KPNA7: variants seen among roughly 807,000 people sequenced by gnomAD.
KPNA7 encodes the protein karyopherin subunit alpha 7.
KPNA7 carries 54 observed loss-of-function variants against 53.7 expected under a neutral mutation model. The observed-to-expected ratio is 1.01, with a 90% CI of 0.81 to 1.26. The LOEUF is 1.26. Ranked by LOEUF, KPNA7 falls within the 50% of genes most tolerant of loss-of-function variation. KPNA7 has a pLI of 0.00. For synonymous variants in KPNA7, 276 were observed against 259.3 expected (o/e 1.06, Z -0.62); for missense variants, 640 against 644.5 (o/e 0.99, Z 0.07).
In KPNA7 at chr7:99,177,921, T is replaced by G; in HGVS notation, c.1463A>C (p.Glu488Ala). ...CCTCCACGCTCCTAAGTCACTTACC[T>G]CACCAAAGTGCTTCTCGATGATGTT... ...ALNIIEKHFG[E>A]EEDESQTLLS... Residue 488 changes from glutamate (E) to alanine (A), a missense_variant and splice_region_variant, in exon 10 of 11, where the codon GAG (glutamate) becomes GCG (alanine). Transcript: ENST00000327442. 1 of 1,551,584 alleles carries G rather than the reference T, an allele frequency of 6.4e-7. No individual in the cohort carries two copies. The highest frequency in any genetic ancestry group is 2.4e-5 in the East Asian group (1 of 40,862).
At chr7:99,207,225 G>A (rs1198188608) in intron 2 of KPNA7, among the ~76,000 whole-genome samples, 176 bp downstream of exon 2, 2 of 152,080 alleles carry the variant, frequency 1.3e-5, no homozygotes, top group Admixed American at 6.6e-5. Flanking sequence ...AGTAGAGACG[G>A]GGTTACACCA....
At chr7:99,181,761 A>AG in intron 9 of KPNA7, 122 bp downstream of exon 9, 1 of 829,606 alleles carries the variant, frequency 1.2e-6, no homozygotes. Flanking sequence ...CAAATTCCTG[A>AG]CCTCAGGTGA....
At chr7:99,209,550 G>A (rs1311232042), upstream of KPNA7, among the ~76,000 whole-genome samples, 1 of 151,788 alleles carries the variant, frequency 6.6e-6, no homozygotes, top group East Asian at 1.9e-4. Context: ...AGGCGTAGTG[G>A]CAGGCACCTG....
the KPNA7 span, among the ~76,000 whole-genome samples, chr7:99,157,846 C>G: frequency 6.6e-6 from 1 of 152,170 alleles, no homozygotes; most frequent in Non-Finnish European, 1.5e-5. Flanking sequence ...GTGATCACAG[C>G]TCACTGCAGC....
rs116077769 is a variant in KPNA7 at position 99,184,404 on chromosome 7, C to T, written c.1134+525G>A. ...TCTCAAACGCCTGAACTCAATCTATCCACCTGACTGGGCCTCCCAAAACGT... is the reference window on the plus strand; with the variant it reads ...TCTCAAACGCCTGAACTCAATCTATTCACCTGACTGGGCCTCCCAAAACGT... On this transcript the variant is annotated intron_variant, in intron 8 of 10. Transcript: ENST00000327442. Among the ~76,000 whole-genome samples, 911 of 152,262 alleles carry T rather than the reference C, an allele frequency of 6.0e-3. 7 individuals are homozygous for T. The highest frequency in any genetic ancestry group is 0.021 in the African/African-American group (888 of 41,560).
chr7:99,217,879 C>T (rs1233053905), intron 1 of KPNA7, among the ~76,000 whole-genome samples: 3 of 152,148 alleles, frequency 2.0e-5, no homozygotes, highest in South Asian at 2.1e-4. Context: ...AACCCACGCA[C>T]CTCGGCCTCC....
intron 9 of KPNA7, among the ~76,000 whole-genome samples, chr7:99,179,274 A>T (rs1432767225): frequency 2.0e-5 from 3 of 152,070 alleles, no homozygotes; most frequent in African/African-American, 7.2e-5. Flanking sequence ...AACCTTAGCT[A>T]AGCTGGACAC....
At position 99,188,560 on chromosome 7, in the gene KPNA7, T is replaced by C. The variant is rs1205188763; in HGVS notation, c.640A>G (p.Thr214Ala). ...GTCCACGTGATGTTCCGCAGAAATG[T>C]GATCTGTAACAAGGAGACTGCCTCC... ...LALISPTLPI[T>A]FLRNITWTLS... The change falls in exon 7 of 11, where the codon ACA becomes GCA. Residue 214 changes from threonine to alanine, a missense_variant. By Grantham distance (58) the Thr-to-Ala change is moderately conservative. Transcript: ENST00000327442. The C allele has an allele frequency of 6.4e-7, 1 of 1,551,088 alleles. No homozygotes were observed. The highest frequency in any genetic ancestry group is 2.0e-5 in the Admixed American group (1 of 50,974).
Position 99,195,170 on chromosome 7 carries a change from G to A in KPNA7, c.453C>T (p.Ala151=), listed in dbSNP as rs542857838. ...IASGTSEQTR[A]VVEGGAIQPL... is the part of the protein sequence containing the mutation. ...GCTGGATGGCTCCCCCTTCTACCAC[G>A]GCACGAGTCTGCTCCGAAGTCCCTG... The change falls in exon 5 of 11, where the codon GCC becomes GCT. Residue 151 remains alanine (A), a synonymous_variant. Transcript: ENST00000327442. 1.0e-4 allele frequency: 162 copies of A among 1,551,530 alleles called. 1 individual carries two copies. Among genetic ancestry groups the A allele is most frequent in the South Asian group, 8.3e-4 (70 of 84,052 alleles).
At chr7:99,155,509 T>C in the KPNA7 span, among the ~76,000 whole-genome samples, 1 of 152,142 alleles carries the variant, frequency 6.6e-6, no homozygotes, top group Non-Finnish European at 1.5e-5. Context: ...TTTTTTTTTC[T>C]TGTTTCCTCA....
intron 1 of KPNA7, among the ~76,000 whole-genome samples, chr7:99,207,796 C>T (rs1790899079): frequency 1.3e-5 from 2 of 151,222 alleles, no homozygotes; most frequent in Non-Finnish European, 2.9e-5. Flanking sequence ...CCACCACGCC[C>T]GGCTAATTTT....
intron 3 of KPNA7, 22 bp from the exon 4 acceptor site, chr7:99,196,188 G>C: frequency 1.3e-6 from 2 of 1,529,878 alleles, no homozygotes; most frequent in East Asian, 2.5e-5. Context: ...GACACATTCA[G>C]GTCAGACTGT....
chr7:99,209,726 A>G (rs28489891), upstream of KPNA7, among the ~76,000 whole-genome samples: 206 of 146,250 alleles, frequency 1.4e-3, no homozygotes, highest in African/African-American at 4.3e-3. Context: ...AAATCTGATT[A>G]GTCAGGCACA....
intron 2 of KPNA7, among the ~76,000 whole-genome samples, chr7:99,204,365 C>T (rs74585155): frequency 0.013 from 1,984 of 149,936 alleles, 27 homozygotes; most frequent in Non-Finnish European, 0.019. Flanking sequence ...GAGCAAGACC[C>T]TGCCTCTACA....
Position 99,195,234 on chromosome 7 carries a change from A to T in KPNA7, c.389T>A (p.Leu130Ter). 6.4e-7 allele frequency: 1 copy of T among 1,551,618 alleles called. No individual in the cohort carries two copies. Among genetic ancestry groups the T allele is most frequent in the Non-Finnish European group, 8.7e-7 (1 of 1,146,990 alleles). Residue 130 changes from leucine to a stop codon, truncating the protein, a stop_gained, in exon 5 of 11, where the codon TTG becomes TAG. Transcript: ENST00000327442. LOFTEE classifies it high-confidence loss of function. ...CAGGGCCCAGGCAGCCTCAAACTGC[A>T]AGCAGGGGTAAAGTGATGACTTCAG... Reference protein sequence around the residue: ...EFLKSSLYPCLQFEAAWALTN... With the variant: ...EFLKSSLYPC
chr7:99,159,774 T>C, the KPNA7 span, among the ~76,000 whole-genome samples: 1 of 152,312 alleles, frequency 6.6e-6, no homozygotes, highest in East Asian at 1.9e-4. Flanking sequence ...TCCAATTGTC[T>C]CATAAATGTC....
At chr7:99,181,044 TCTCTCTCTCC>T (rs1799220113) in intron 9 of KPNA7, among the ~76,000 whole-genome samples, 1 of 123,096 alleles carries the variant, frequency 8.1e-6, no homozygotes, top group African/African-American at 4.0e-5. Flanking sequence ...TGTGTCTCTC[TCTCTCTCTCC>T]GTCTGTGTCT....
chr7:99,195,090 C>T lies in KPNA7; in HGVS notation c.533G>A (p.Trp178Ter), dbSNP rs934086635. The change falls in exon 5 of 11, where the codon TGG (tryptophan) becomes TAG (stop). Residue 178 changes from tryptophan to a stop codon, truncating the protein, a stop_gained. Coordinates refer to ENST00000327442, the MANE Select transcript of KPNA7 (RefSeq NM_001145715.3). LOFTEE classifies it high-confidence loss of function. ...SNVAVCEQAV[W>*]ALGNIAGDGP... is the part of the protein sequence containing the mutation. ...CTCACCGGCTATATTACCAAGAGCC[C>T]ACACTGCCTGTTCACACACAGCCAC... The T allele has an allele frequency of 5.2e-6, 8 of 1,551,480 alleles. No individual in the cohort carries two copies. The highest frequency in any genetic ancestry group is 7.0e-6 in the Non-Finnish European group (8 of 1,146,986).
At chr7:99,204,343 G>T (rs1409514019) in intron 2 of KPNA7, among the ~76,000 whole-genome samples, 3 of 151,864 alleles carry the variant, frequency 2.0e-5, no homozygotes, top group Non-Finnish European at 4.4e-5. Flanking sequence ...CTGCACTCCA[G>T]CCTGGGCAAT....
Sources: allele counts gnomAD v4.1 joint callset (sites outside exome capture counted in the v4.1 genomes callset), GRCh38; gene constraint gnomAD v4.1.1; transcripts MANE v1.5; gene names NCBI Gene and HGNC (gene_info 2026-07-23, HGNC 2026-07-21).